The following GFRAL variants were observed in gnomAD, a reference collection of about 807,000 sequenced individuals.
GFRAL encodes GDNF family receptor alpha like.
A neutral mutation model predicts 45.4 loss-of-function variants in GFRAL; 36 were observed. The observed-to-expected ratio is 0.79, with a 90% confidence interval of 0.61 to 1.05. GFRAL has a LOEUF of 1.05. GFRAL is among the 50% of genes least tolerant of loss of function. The pLI is 0.00. For synonymous variants in GFRAL, 166 were observed against 154.1 expected, an observed-to-expected ratio of 1.08 and a Z score of -0.57; for missense variants, 507 against 467.5, an observed-to-expected ratio of 1.08 and a Z score of -0.78.
At chr6:55,392,307 A>G (rs1050017359) in intron 6 of GFRAL, among the ~76,000 whole-genome samples, 2 of 152,204 alleles carry the variant, frequency 1.3e-5, no homozygotes, top group African/African-American at 4.8e-5. Context: ...GCATCATTTT[A>G]TGAATATCTC....
rs369215100 is a variant in GFRAL, at chr6:55,364,549, T to C, written c.952+5411T>C. ...CCTGAATGGTAATGCCTAGGTTTTC[T>C]TCTAGGGTTTTTATGGTTTTAGGTC... On this transcript the variant is annotated intron_variant, in intron 6 of 8. Coordinates refer to ENST00000340465, the MANE Select transcript of GFRAL (RefSeq NM_207410.2). 9.6e-4 allele frequency among the ~76,000 whole-genome samples: 140 copies of C among 145,706 alleles called. 4 individuals are homozygous for C. In the East Asian group the frequency reaches 0.021, roughly 22 times the overall value.
intron 2 of GFRAL, among the ~76,000 whole-genome samples, chr6:55,332,828 G>T (rs1055442805): frequency 3.9e-5 from 6 of 151,980 alleles, no homozygotes; most frequent in South Asian, 2.1e-4. Context: ...AAAGTAAATA[G>T]AATAGTATAA....
intron 6 of GFRAL, among the ~76,000 whole-genome samples, chr6:55,369,895 A>G (rs1315129710): frequency 6.6e-6 from 1 of 152,058 alleles, no homozygotes; most frequent in Admixed American, 6.5e-5. Context: ...TGCCTGTGTC[A>G]GCTGTTTGTG....
Position 55,398,163 on chromosome 6 carries a change from C to T in GFRAL, c.953-1017C>T, listed in dbSNP as rs1457683688. Among the ~76,000 whole-genome samples the T allele has an allele frequency of 2.0e-5, 3 of 152,276 alleles. No individual in the cohort carries two copies. The East Asian group carries it at 5.8e-4, about 29-fold the overall frequency. ...TAAGCAATGCATGACTGTAGATTTTCTTATCTCCCTTCCTGCTCAGAGTCT... is the reference window on the plus strand; with the variant it reads ...TAAGCAATGCATGACTGTAGATTTTTTTATCTCCCTTCCTGCTCAGAGTCT... On this transcript the variant is annotated intron_variant, in intron 6 of 8. Transcript: ENST00000340465.
At position 55,327,499 on chromosome 6, in the gene GFRAL, G is replaced by C. The variant is rs375999419; in HGVS notation, c.-56G>C. 98 of 1,599,642 alleles carry C rather than the reference G, an allele frequency of 6.1e-5. No individual in the cohort carries two copies. In the African/African-American group the frequency reaches 1.0e-3, roughly 17 times the overall value. On this transcript the variant is annotated 5_prime_UTR_variant, in exon 1 of 9. Transcript: ENST00000340465. ...CTGGACAGTTACTCTTAAGAAAGTTGTCAGAAGAAACGCATCTGCCTTTTT... is the reference window on the plus strand; with the variant it reads ...CTGGACAGTTACTCTTAAGAAAGTTCTCAGAAGAAACGCATCTGCCTTTTT...
In GFRAL at chr6:55,351,297, G is replaced by A. The variant is rs371493722; in HGVS notation, c.415G>A (p.Val139Ile). 3.1e-6 allele frequency: 5 copies of A among 1,611,108 alleles called. No homozygotes were observed. Among genetic ancestry groups the A allele is most frequent in the Non-Finnish European group, 4.2e-6 (5 of 1,177,948 alleles). Residue 139 changes from valine to isoleucine, a missense_variant, in exon 5 of 9, where the codon GTA becomes ATA. By Grantham distance (29) the Val-to-Ile change is conservative. Transcript: ENST00000340465. The stretch of plus-strand genomic sequence containing the variant: ...CTGTTTGGAAGTGGCAGAGGCATGT[G>A]TAGGGGATGTGGTCTGTAATGCACA... ...WSCLEVAEAC[V>I]GDVVCNAQLA...
At chr6:55,346,841 C>G (rs1309495307) in intron 3 of GFRAL, among the ~76,000 whole-genome samples, 1 of 76,342 alleles carries the variant, frequency 1.3e-5, no homozygotes, top group African/African-American at 3.9e-5. Context: ...TCCCCCCCCC[C>G]CAAAAAAAAG....
At chr6:55,369,600 A>T (rs1248129092) in intron 6 of GFRAL, among the ~76,000 whole-genome samples, 1 of 152,160 alleles carries the variant, frequency 6.6e-6, no homozygotes, top group Non-Finnish European at 1.5e-5. Flanking sequence ...AATAAATGTT[A>T]TTGCACGTAT....
At chr6:55,335,753 T>C (rs1767882147) in intron 3 of GFRAL, among the ~76,000 whole-genome samples, 1 of 152,196 alleles carries the variant, frequency 6.6e-6, no homozygotes, top group Admixed American at 6.5e-5. Flanking sequence ...CTAGACTTTC[T>C]ATTCTGTTCC....
At chr6:55,327,867 T>C (rs1767785470) in intron 1 of GFRAL, among the ~76,000 whole-genome samples, 1 of 152,024 alleles carries the variant, frequency 6.6e-6, no homozygotes, top group African/African-American at 2.4e-5. Context: ...TTATTAGGAT[T>C]AATGGAATTC....
intron 6 of GFRAL, among the ~76,000 whole-genome samples, chr6:55,362,720 GT>G (rs1464646983): frequency 3.9e-5 from 6 of 151,964 alleles, no homozygotes; most frequent in Non-Finnish European, 8.8e-5. Context: ...TGACAGAAAT[GT>G]TCTTTTTGCA....
chr6:55,399,298 A>G (rs199881300), intron 7 of GFRAL, 23 bp downstream of exon 7: 2 of 1,512,016 alleles, frequency 1.3e-6, no homozygotes, highest in East Asian at 2.4e-5. Context: ...TCAATCCTCT[A>G]TAATATTTAT....
chr6:55,389,430 A>G (rs754275005), intron 6 of GFRAL, among the ~76,000 whole-genome samples: 33 of 152,188 alleles, frequency 2.2e-4, no homozygotes, highest in Non-Finnish European at 3.2e-4. Flanking sequence ...ATTGCTCCAT[A>G]GGTAATACTA....
chr6:55,356,663 G>T (rs138184975), intron 5 of GFRAL, among the ~76,000 whole-genome samples: 234 of 151,696 alleles, frequency 1.5e-3, no homozygotes, highest in Non-Finnish European at 2.6e-3. Context: ...TTTTCATTTT[G>T]TTAATCTTTT....
chr6:55,375,482 A>G (rs1768511491), intron 6 of GFRAL, among the ~76,000 whole-genome samples: 1 of 152,122 alleles, frequency 6.6e-6, no homozygotes, highest in Non-Finnish European at 1.5e-5. Flanking sequence ...TTGTATCCTG[A>G]GACTTTGCTG....
intron 6 of GFRAL, among the ~76,000 whole-genome samples, chr6:55,362,759 AC>A (rs1332972247): frequency 2.6e-5 from 4 of 152,004 alleles, no homozygotes; most frequent in Admixed American, 1.3e-4. Context: ...TTATTTAAAT[AC>A]CAGTTATATA....
chr6:55,375,030 AC>A (rs1477109837), intron 6 of GFRAL, among the ~76,000 whole-genome samples: 2 of 151,966 alleles, frequency 1.3e-5, no homozygotes, highest in Non-Finnish European at 2.9e-5. Flanking sequence ...CTGTAGCCTC[AC>A]AGTATAGTTT....
intron 6 of GFRAL, among the ~76,000 whole-genome samples, chr6:55,393,598 T>C (rs1561868038): frequency 6.6e-6 from 1 of 151,596 alleles, no homozygotes. Flanking sequence ...GCTCCAGCAG[T>C]AAAGAAAATG....
At chr6:55,338,385 G>T (rs115400583) in intron 3 of GFRAL, among the ~76,000 whole-genome samples, 1 of 152,046 alleles carries the variant, frequency 6.6e-6, no homozygotes, top group Non-Finnish European at 1.5e-5. Context: ...CCACCATGCC[G>T]AGCCAGAAGG....
Sources: gnomAD v4.1 joint callset for allele counts (sites outside exome capture counted in the v4.1 genomes callset) on GRCh38, gnomAD v4.1.1 for gene constraint, MANE v1.5 for transcripts, NCBI Gene and HGNC (gene_info 2026-07-23, HGNC 2026-07-21) for gene names.